NAGK: variants seen among roughly 807,000 people sequenced by gnomAD.
NAGK encodes the protein N-acetyl-D-glucosamine kinase.
Under a neutral mutation model 42.9 loss-of-function variants are expected in NAGK, and 35 were observed. That is an observed-to-expected ratio of 0.82 (90% CI 0.62 to 1.08). The LOEUF is 1.08. NAGK is among the 50% of genes least tolerant of loss of function. The probability of loss-of-function intolerance (pLI) is 0.00; values close to 1 mark genes in which losing one functional copy is unlikely to be tolerated. For synonymous variants in NAGK, 172 were observed against 176.0 expected, an observed-to-expected ratio of 0.98 and a Z score of 0.18; for missense variants, 446 against 446.0, an observed-to-expected ratio of 1.00 and a Z score of 0.00.
intron 1 of NAGK, 139 bp downstream of exon 1, chr2:71,068,851 C>G (rs9808522): frequency 2.9e-6 from 4 of 1,378,758 alleles, no homozygotes; most frequent in Non-Finnish European, 3.7e-6. Flanking sequence ...GGTGTGTGCA[C>G]GCGCAGGGGC....
chr2:71,074,350 G>A (rs539505108), intron 6 of NAGK, among the ~76,000 whole-genome samples: 1 of 152,246 alleles, frequency 6.6e-6, no homozygotes, highest in Admixed American at 6.5e-5. Context: ...AGAGGGGCCC[G>A]GCTAGGCCAA....
upstream of NAGK, chr2:71,068,519 G>C (rs1213846780): frequency 6.9e-7 from 1 of 1,449,862 alleles, no homozygotes; most frequent in East Asian, 3.0e-5. Context: ...AGCCATCCCC[G>C]GCTCCTACCG....
Position 71,078,522 on chromosome 2 carries a change from G to T in NAGK, c.*14G>T. ...ACCTTTTCCTAGGGGGCTGGTCCCG[G>T]CTCCACCCCCTCCAAGCTCAGTGGA... On this transcript the variant is annotated 3_prime_UTR_variant, in exon 10 of 10. Coordinates refer to ENST00000244204, the MANE Select transcript of NAGK (RefSeq NM_017567.6). 6.6e-7 allele frequency: 1 copy of T among 1,504,452 alleles called. No homozygotes were observed. Among genetic ancestry groups the T allele is most frequent in the East Asian group, 2.5e-5 (1 of 40,138 alleles). The allele number at this position is 1,504,452 out of a possible 1,614,324, so 93.2% of individuals were successfully genotyped here. A position where few individuals can be genotyped will look rare whatever the true frequency, so the allele number is the denominator to read the frequency against.
At chr2:71,069,009 G>C in intron 1 of NAGK, 1 of 1,174,594 alleles carries the variant, frequency 8.5e-7, no homozygotes, top group East Asian at 4.4e-5. Context: ...TGGAGAAGCA[G>C]CTCCTTTTTC....
chr2:71,068,640 G>A, upstream of NAGK: 17 of 1,523,666 alleles, frequency 1.1e-5, no homozygotes, highest in Non-Finnish European at 1.5e-5. Flanking sequence ...TGTCAGGCGG[G>A]GAGAGACGCA....
In NAGK at chr2:71,072,691, C is replaced by G. The variant is rs767856034; in HGVS notation, c.406C>G (p.Pro136Ala). The part of the protein sequence containing the change: ...GTGSNCRLIN[P>A]DGSESGCGGW... The stretch of plus-strand genomic sequence containing the variant: ...AGGCTCCAACTGCAGGCTCATCAAC[C>G]CTGATGGCTCCGAGAGTGGCTGCGG... The change falls in exon 5 of 10, where the codon CCT (proline) becomes GCT (alanine). Residue 136 changes from proline to alanine, a missense_variant. Physicochemically the swap from Pro to Ala is conservative, Grantham distance 27. Transcript: ENST00000244204. 7 of 1,614,182 alleles carry G rather than the reference C, an allele frequency of 4.3e-6. No homozygotes were observed. In the South Asian group the frequency reaches 4.4e-5, roughly 10 times the overall value.
chr2:71,072,700 T>G lies in NAGK; in HGVS notation c.415T>G (p.Ser139Ala). The G allele has an allele frequency of 6.2e-7, 1 of 1,614,146 alleles. No individual in the cohort carries two copies. The highest frequency in any genetic ancestry group is 8.5e-7 in the Non-Finnish European group (1 of 1,179,998). ...SNCRLINPDG[S>A]ESGCGGWGHM... ...CTGCAGGCTCATCAACCCTGATGGC[T>G]CCGAGAGTGGCTGCGGCGGCTGGGG... The change falls in exon 5 of 10, where the codon TCC becomes GCC. Residue 139 changes from serine (S) to alanine (A), a missense_variant. Transcript: ENST00000244204.
intron 7 of NAGK, 133 bp from the exon 8 acceptor site, chr2:71,076,471 G>T: frequency 4.6e-6 from 3 of 651,280 alleles, no homozygotes; most frequent in Non-Finnish European, 7.9e-6. Flanking sequence ...CACGAGGCGG[G>T]CATCCATCCG....
At chr2:71,073,459 T>G (rs779901874) in intron 5 of NAGK, 23 bp from the exon 6 acceptor site, 1 of 1,554,462 alleles carries the variant, frequency 6.4e-7, no homozygotes, top group Non-Finnish European at 8.9e-7. Context: ...TCCCATCTTC[T>G]TAGCCCTCTC....
At chr2:71,068,486 A>G, upstream of NAGK, 1 of 1,419,640 alleles carries the variant, frequency 7.0e-7, no homozygotes, top group Non-Finnish European at 9.2e-7. Flanking sequence ...GAGACACCAG[A>G]AGGAAGACAG....
chr2:71,068,495 A>G, upstream of NAGK: 1 of 1,422,026 alleles, frequency 7.0e-7, no homozygotes, highest in Non-Finnish European at 9.2e-7. Flanking sequence ...GAAGGAAGAC[A>G]GCCTGAGGGA....
chr2:71,068,671 C>A lies in NAGK; in HGVS notation c.-13C>A. ...ACGCAAACGGCGGGACCAGCAGCGA[C>A]GGTAGCAGCAGCATGGCCGCGATCT... On this transcript the variant is annotated 5_prime_UTR_variant, in exon 1 of 10. Transcript: ENST00000244204. 1 of 1,519,490 alleles carries A rather than the reference C, an allele frequency of 6.6e-7. No homozygotes were observed. 94.1% of individuals were successfully genotyped at this position (1,519,490 alleles called of 1,614,324 possible). A position where few individuals can be genotyped will look rare whatever the true frequency, so the allele number is the denominator to read the frequency against.
rs571348811 is a variant in NAGK at position 71,071,494 on chromosome 2, C to T, written c.214-192C>T. The T allele has an allele frequency of 1.5e-5, 11 of 714,018 alleles. No individual in the cohort carries two copies. The East Asian group carries it at 2.8e-4, about 18-fold the overall frequency. 44.2% of individuals were successfully genotyped at this position (714,018 alleles called of 1,614,324 possible). A position where few individuals can be genotyped will look rare whatever the true frequency, so the allele number is the denominator to read the frequency against. ...GAATCCCCTCTTTCTTCTGTCCATC[C>T]CCAGTCCAGGTTGTTCTTATAACCA... On this transcript the variant is annotated intron_variant, in intron 3 of 9. Coordinates refer to ENST00000244204, the MANE Select transcript of NAGK (RefSeq NM_017567.6).
intron 9 of NAGK, 67 bp from the exon 10 acceptor site, chr2:71,078,251 T>C (rs898466949): frequency 6.6e-7 from 1 of 1,523,316 alleles, no homozygotes; most frequent in African/African-American, 1.4e-5. Flanking sequence ...CTTGTCTGTC[T>C]TCCTTCCTGG....
At chr2:71,070,224 G>A (rs935668068) in intron 1 of NAGK, 33 of 353,984 alleles carry the variant, frequency 9.3e-5, no homozygotes, top group African/African-American at 6.5e-4. Context: ...AATTCGTTGG[G>A]GTGGGCCACA....
chr2:71,075,819 G>A (rs1026826741), intron 7 of NAGK, 177 bp downstream of exon 7: 8 of 615,704 alleles, frequency 1.3e-5, no homozygotes, highest in African/African-American at 7.4e-5. Context: ...AGAAGGGCAC[G>A]TGGGTCGTGT....
At position 71,078,300 on chromosome 2, in the gene NAGK, T is replaced by C. The variant is rs1465448388; in HGVS notation, c.845-18T>C. 1.2e-6 allele frequency: 2 copies of C among 1,612,326 alleles called. No homozygotes were observed. Among genetic ancestry groups the C allele is most frequent in the South Asian group, 1.1e-5 (1 of 91,044 alleles). On this transcript the variant is annotated intron_variant, in intron 9 of 9. Transcript: ENST00000244204. ...TGCTGTTCTCCTCTTATCTCTGTCC[T>C]TGTGTTCTTCCCTCCAGGTTTTCTT...
intron 8 of NAGK, 148 bp downstream of exon 8, chr2:71,076,849 T>C: frequency 1.4e-6 from 1 of 710,224 alleles, no homozygotes. Flanking sequence ...GCAGAATGTC[T>C]GTAACAAAAA....
In NAGK at chr2:71,071,577, G is replaced by C. The variant is rs1672003205; in HGVS notation, c.214-109G>C. The C allele has an allele frequency of 2.1e-6, 3 of 1,430,220 alleles. No individual in the cohort carries two copies. The Admixed American group carries it at 6.6e-5, about 31-fold the overall frequency. 88.6% of individuals were successfully genotyped at this position (1,430,220 alleles called of 1,614,324 possible). On this transcript the variant is annotated intron_variant, in intron 3 of 9. Coordinates refer to ENST00000244204, the MANE Select transcript of NAGK (RefSeq NM_017567.6). ...AGGAGGACTGGGGCTGGGTGAACAGGGTATGGCCAGATGGGGAGAACAGGA... is the reference window on the plus strand; with the variant it reads ...AGGAGGACTGGGGCTGGGTGAACAGCGTATGGCCAGATGGGGAGAACAGGA...
Sources: allele counts gnomAD v4.1 joint callset (sites outside exome capture counted in the v4.1 genomes callset), GRCh38; gene constraint gnomAD v4.1.1; transcripts MANE v1.5; gene names NCBI Gene and HGNC (gene_info 2026-07-23, HGNC 2026-07-21).